Variants in ERCC8 observed in about 807,000 individuals in gnomAD.
ERCC8 encodes DNA excision repair protein ERCC-8.
A neutral mutation model predicts 54.9 loss-of-function variants in ERCC8; 52 were observed. The observed-to-expected ratio is 0.95, with a 90% CI of 0.76 to 1.19. The LOEUF is 1.19. Among genes scored for constraint, ERCC8 ranks in the 50% most tolerant of loss-of-function variants. ERCC8 has a pLI of 0.00. For synonymous variants in ERCC8, 146 were observed against 157.2 expected (o/e 0.93, Z 0.53); for missense variants, 514 against 466.1 (o/e 1.10, Z -0.95).
chr5:60,911,439 T>G (rs61613461), intron 4 of ERCC8, among the ~76,000 whole-genome samples: 7 of 139,116 alleles, frequency 5.0e-5, no homozygotes, highest in South Asian at 2.1e-4. Context: ...TTTTGATGGG[T>G]TTTTTTTTTT....
At chr5:60,915,969 T>C (rs1749420751) in intron 4 of ERCC8, among the ~76,000 whole-genome samples, 2 of 151,988 alleles carry the variant, frequency 1.3e-5, no homozygotes, top group Non-Finnish European at 2.9e-5. Flanking sequence ...TATTCCCCTC[T>C]AGGTGCCCTA....
chr5:60,867,959 T>A lies in ERCC8; in HGVS notation c.*6656A>T, dbSNP rs1396416348. ...ACTTTGGGAGGTCAAGGCGGGCAGA[T>A]CACCTGAGGTCAGGAGTTCGAGACC... On this transcript the variant is annotated 3_prime_UTR_variant, in exon 12 of 12. Transcript: ENST00000676185. Among the ~76,000 whole-genome samples the A allele has an allele frequency of 6.6e-6, 1 of 152,180 alleles. No individual in the cohort carries two copies. The highest frequency in any genetic ancestry group is 1.5e-5 in the Non-Finnish European group (1 of 68,022).
At chr5:60,942,197 G>GC (rs751490973) in intron 1 of ERCC8, among the ~76,000 whole-genome samples, 1 of 152,036 alleles carries the variant, frequency 6.6e-6, no homozygotes, top group Non-Finnish European at 1.5e-5. Flanking sequence ...TAAATATGGA[G>GC]CAGCTAGCAC....
intron 7 of ERCC8, among the ~76,000 whole-genome samples, chr5:60,902,066 T>C (rs1380064445): frequency 6.6e-6 from 1 of 152,040 alleles, no homozygotes; most frequent in African/African-American, 2.4e-5. Context: ...GAGGAAGTCA[T>C]TAAATATTAG....
intron 10 of ERCC8, among the ~76,000 whole-genome samples, chr5:60,889,688 G>GA (rs1748492377): frequency 6.6e-6 from 1 of 152,168 alleles, no homozygotes; most frequent in African/African-American, 2.4e-5. Flanking sequence ...AGAGTACCTG[G>GA]GATGAAATTT....
At chr5:60,920,397 T>G (rs1388421190) in intron 3 of ERCC8, among the ~76,000 whole-genome samples, 1 of 151,980 alleles carries the variant, frequency 6.6e-6, no homozygotes, top group Admixed American at 6.6e-5. Flanking sequence ...ACTTATATTT[T>G]AAGTTTAAAT....
At chr5:60,894,321 C>G (rs574209678) in intron 9 of ERCC8, among the ~76,000 whole-genome samples, 18 of 152,190 alleles carry the variant, frequency 1.2e-4, no homozygotes, top group African/African-American at 3.9e-4. Flanking sequence ...ATAGCAAAAG[C>G]TATATGCCCA....
At chr5:60,898,795 G>GA (rs10691070) in intron 8 of ERCC8, among the ~76,000 whole-genome samples, 120,988 of 147,230 alleles carry the variant, frequency 0.82, 49,847 homozygotes, top group African/African-American at 0.88. Context: ...GTTTTCCATT[G>GA]AAAAAAAAAA....
At chr5:60,935,899 T>C (rs1443458303) in intron 1 of ERCC8, among the ~76,000 whole-genome samples, 4 of 152,290 alleles carry the variant, frequency 2.6e-5, no homozygotes, top group Admixed American at 6.5e-5. Flanking sequence ...CACTTGATCA[T>C]GGTGGATTAT....
chr5:60,884,475 C>CAA (rs71606647), intron 11 of ERCC8, among the ~76,000 whole-genome samples: 10 of 70,804 alleles, frequency 1.4e-4, no homozygotes, highest in East Asian at 4.3e-4. Context: ...GACTCCTTCT[C>CAA]AAAAAAAAAA....
At position 60,944,960 on chromosome 5, in the gene ERCC8, G is replaced by T. The variant is rs1452939769; in HGVS notation, c.49C>A (p.Arg17Ser). 6.8e-6 allele frequency: 11 copies of T among 1,613,972 alleles called. 1 individual carries two copies. In the Admixed American group the frequency reaches 1.7e-4, roughly 24 times the overall value. The change falls in exon 1 of 12, where the codon CGC (arginine) becomes AGC (serine). Residue 17 changes from arginine to serine, a missense_variant. Coordinates refer to ENST00000676185, the MANE Select transcript of ERCC8 (RefSeq NM_000082.4). ...CGTGTTGACTCTGCTCTCCGAAGGC[G>T]AAGAGGGTCCTCCAAACCCGTTTGG... ...ARQTGLEDPL[R>S]LRRAESTRRV... is the part of the protein sequence containing the mutation.
intron 4 of ERCC8, among the ~76,000 whole-genome samples, chr5:60,913,596 G>T (rs1035345618): frequency 1.2e-4 from 18 of 152,026 alleles, no homozygotes; most frequent in Admixed American, 5.9e-4. Flanking sequence ...ACTTCCTTCA[G>T]TTCTACTCTG....
At chr5:60,904,594 A>T in intron 5 of ERCC8, among the ~76,000 whole-genome samples, 198 bp downstream of exon 5, 1 of 142,090 alleles carries the variant, frequency 7.0e-6, no homozygotes, top group Non-Finnish European at 1.5e-5. Context: ...TTGAATATAA[A>T]TAGTACAATA....
At chr5:60,882,937 G>A (rs1404933772) in intron 11 of ERCC8, among the ~76,000 whole-genome samples, 1 of 150,926 alleles carries the variant, frequency 6.6e-6, no homozygotes, top group East Asian at 1.9e-4. Context: ...CCTTTAACTT[G>A]CCTTTGATAA....
chr5:60,884,261 T>C (rs1748327954), intron 11 of ERCC8, among the ~76,000 whole-genome samples: 1 of 151,944 alleles, frequency 6.6e-6, no homozygotes, highest in African/African-American at 2.4e-5. Flanking sequence ...GGGTGGATCA[T>C]GAGGTCAGGA....
rs989683126 is a variant in ERCC8, at chr5:60,868,709, C to G, written c.*5906G>C. ...TTCTAAGCACCCAGGAGGTTTACAACAGTGATTCTAGGTAGCACATTAAGA... is the reference window on the plus strand; with the variant it reads ...TTCTAAGCACCCAGGAGGTTTACAAGAGTGATTCTAGGTAGCACATTAAGA... On this transcript the variant is annotated 3_prime_UTR_variant, in exon 12 of 12. Coordinates refer to ENST00000676185, the MANE Select transcript of ERCC8 (RefSeq NM_000082.4). 2.0e-5 allele frequency among the ~76,000 whole-genome samples: 3 copies of G among 152,134 alleles called. No individual in the cohort carries two copies. The highest frequency in any genetic ancestry group is 7.2e-5 in the African/African-American group (3 of 41,414).
chr5:60,929,793 T>G (rs1749854699), intron 1 of ERCC8, among the ~76,000 whole-genome samples: 1 of 152,234 alleles, frequency 6.6e-6, no homozygotes, highest in African/African-American at 2.4e-5. Context: ...TTACAATGCC[T>G]AGTACATTGT....
intron 1 of ERCC8, among the ~76,000 whole-genome samples, chr5:60,937,120 A>T (rs1321703790): frequency 1.3e-5 from 2 of 152,212 alleles, no homozygotes; most frequent in African/African-American, 4.8e-5. Flanking sequence ...GAGTCCTGTG[A>T]TGTGATCTGT....
At chr5:60,930,128 T>C (rs1265921474) in intron 1 of ERCC8, among the ~76,000 whole-genome samples, 1 of 152,152 alleles carries the variant, frequency 6.6e-6, no homozygotes, top group Non-Finnish European at 1.5e-5. Context: ...ACATTACATA[T>C]AGTACAACAA....
Sources: gnomAD v4.1 joint callset for allele counts (sites outside exome capture counted in the v4.1 genomes callset) on GRCh38, gnomAD v4.1.1 for gene constraint, MANE v1.5 for transcripts, NCBI Gene and HGNC (gene_info 2026-07-23, HGNC 2026-07-21) for gene names.